RFPL1: variants seen among roughly 807,000 people sequenced by gnomAD.
RFPL1 encodes ret finger protein-like 1.
A neutral mutation model predicts 9.6 loss-of-function variants in RFPL1; 6 were observed. The ratio of observed to expected loss-of-function variants is 0.62; its 90% CI spans 0.34 to 1.23. The LOEUF (loss-of-function observed/expected upper bound fraction) is 1.23, where lower values mean the gene tolerates loss of function less well. RFPL1 is among the 50% of genes most tolerant of loss of function. RFPL1 has a pLI of 0.03. For synonymous variants in RFPL1, 145 were observed against 149.4 expected (o/e 0.97, Z 0.22); for missense variants, 352 against 398.4 (o/e 0.88, Z 0.99).
chr22:29,436,099 C>G (rs542440772), upstream of RFPL1, among the ~76,000 whole-genome samples: 1,121 of 149,944 alleles, frequency 7.5e-3, 17 homozygotes, highest in African/African-American at 0.026. Context: ...CAGAATTATA[C>G]CTAGATGGGA....
the RFPL1 span, among the ~76,000 whole-genome samples, chr22:29,419,472 G>A: frequency 2.0e-5 from 3 of 152,056 alleles, no homozygotes; most frequent in Non-Finnish European, 2.9e-5. Context: ...CTTGTAGGCC[G>A]GGTGCAGTCG....
At chr22:29,441,375 G>A in intron 1 of RFPL1, 167 bp from the exon 2 acceptor site, 1 of 733,486 alleles carries the variant, frequency 1.4e-6, no homozygotes, top group Non-Finnish European at 2.2e-6. Context: ...GCATACCTAT[G>A]AGAATTTGAA....
exon 1 of RFPL1, chr22:29,439,160 C>T (rs771021973): frequency 2.5e-6 from 4 of 1,613,726 alleles, no homozygotes; most frequent in South Asian, 1.1e-5. Flanking sequence ...TGCGGAAGTT[C>T]CAAGGTGAGG....
At chr22:29,396,709 C>G in the RFPL1 span, among the ~76,000 whole-genome samples, 220 of 152,100 alleles carry the variant, frequency 1.4e-3, 1 homozygote, top group African/African-American at 5.1e-3. Context: ...GAACTCCTGG[C>G]CTCAAGTGAT....
the RFPL1 span, among the ~76,000 whole-genome samples, chr22:29,424,198 A>T: frequency 1.3e-5 from 2 of 152,106 alleles, no homozygotes; most frequent in Non-Finnish European, 2.9e-5. Context: ...AAAAGACCAT[A>T]GGACAAAGAA....
chr22:29,400,786 T>C, the RFPL1 span, among the ~76,000 whole-genome samples: 99,410 of 152,188 alleles, frequency 0.65, 34,478 homozygotes, highest in African/African-American at 0.89. Flanking sequence ...ACACACATCC[T>C]CAATCACTGA....
At chr22:29,417,938 G>GTTT in the RFPL1 span, among the ~76,000 whole-genome samples, 4 of 129,380 alleles carry the variant, frequency 3.1e-5, no homozygotes, top group Admixed American at 1.6e-4. Flanking sequence ...ACCTTGAATG[G>GTTT]TTTTTTTTTT....
At chr22:29,390,798 C>A in the RFPL1 span, among the ~76,000 whole-genome samples, 4 of 150,662 alleles carry the variant, frequency 2.7e-5, no homozygotes, top group African/African-American at 9.7e-5. Context: ...GGGGTTTCAC[C>A]GTTGTTAGCC....
the RFPL1 span, among the ~76,000 whole-genome samples, chr22:29,422,711 C>G: frequency 4.6e-5 from 7 of 152,024 alleles, no homozygotes; most frequent in Non-Finnish European, 1.0e-4. Flanking sequence ...CCACTGCACT[C>G]CAGCTTGGGC....
chr22:29,441,212 T>C, intron 1 of RFPL1: 1 of 334,060 alleles, frequency 3.0e-6, no homozygotes, highest in Non-Finnish European at 5.5e-6. Context: ...TAATTATCAT[T>C]CATTTTTTCA....
exon 1 of RFPL1, chr22:29,439,053 A>C: frequency 1.9e-6 from 3 of 1,614,154 alleles, no homozygotes; most frequent in Non-Finnish European, 2.5e-6. Flanking sequence ...CTCTCAGAAG[A>C]ACAAAATCAG....
At chr22:29,417,939 T>G in the RFPL1 span, among the ~76,000 whole-genome samples, 1 of 90,420 alleles carries the variant, frequency 1.1e-5, no homozygotes, top group Non-Finnish European at 2.2e-5. Flanking sequence ...CCTTGAATGG[T>G]TTTTTTTTTT....
the RFPL1 span, among the ~76,000 whole-genome samples, chr22:29,410,427 AT>A: frequency 0.098 from 5,115 of 52,114 alleles, 402 homozygotes; most frequent in East Asian, 0.22. Context: ...AGATATATAT[AT>A]TGTAGATATA....
the RFPL1 span, chr22:29,432,868 G>C: frequency 5.3e-5 from 8 of 152,190 alleles, no homozygotes; most frequent in Admixed American, 3.9e-4. Flanking sequence ...ATGTAAAAGT[G>C]AAAGAGCCTA....
At chr22:29,407,077 TTTTGTG>T in the RFPL1 span, among the ~76,000 whole-genome samples, 3 of 72,922 alleles carry the variant, frequency 4.1e-5, no homozygotes, top group African/African-American at 1.8e-4. Flanking sequence ...AGAGTTGTTC[TTTTGTG>T]TGTGTGTGTG....
the RFPL1 span, among the ~76,000 whole-genome samples, chr22:29,410,161 C>T: frequency 6.8e-6 from 1 of 147,866 alleles, no homozygotes; most frequent in Non-Finnish European, 1.5e-5. Flanking sequence ...TGGCGTTTTC[C>T]TTTCTCCTAT....
At chr22:29,441,462 T>G in intron 1 of RFPL1, 80 bp from the exon 2 acceptor site, 3 of 1,457,960 alleles carry the variant, frequency 2.1e-6, no homozygotes, top group Admixed American at 2.2e-5. Flanking sequence ...AGTCAAGAGA[T>G]ATTTGGGCCT....
At chr22:29,441,276 C>A in intron 1 of RFPL1, 1 of 478,496 alleles carries the variant, frequency 2.1e-6, no homozygotes, top group Non-Finnish European at 3.7e-6. Context: ...AGACCCTCCA[C>A]TCTAAATGAA....
At chr22:29,430,990 T>C in the RFPL1 span, among the ~76,000 whole-genome samples, 1 of 152,264 alleles carries the variant, frequency 6.6e-6, no homozygotes, top group East Asian at 1.9e-4. Flanking sequence ...GTTTACAACC[T>C]CAGTTAAAAT....
Sources: allele counts gnomAD v4.1 joint callset (sites outside exome capture counted in the v4.1 genomes callset), GRCh38; gene constraint gnomAD v4.1.1; transcripts MANE v1.5; gene names NCBI Gene and HGNC (gene_info 2026-07-23, HGNC 2026-07-21).